The following EEPD1 variants were observed in gnomAD, a reference collection of about 807,000 sequenced individuals.
EEPD1 encodes the protein endonuclease/exonuclease/phosphatase family domain-containing protein 1.
A neutral mutation model predicts 46.3 loss-of-function variants in EEPD1; 17 were observed. That is an observed-to-expected ratio of 0.37 (90% CI 0.25 to 0.55). The LOEUF (loss-of-function observed/expected upper bound fraction) is 0.55. Ranked by LOEUF, EEPD1 falls within the 20% of genes least tolerant of loss-of-function variation. The pLI, the probability that EEPD1 is intolerant of heterozygous loss-of-function variation, is 0.83. For missense variants in EEPD1, 673 were observed against 745.6 expected, an observed-to-expected ratio of 0.90 and a Z score of 1.13; for synonymous variants, 313 against 315.6, an observed-to-expected ratio of 0.99 and a Z score of 0.09.
At chr7:36,210,438 A>G (rs1434893077) in intron 2 of EEPD1, among the ~76,000 whole-genome samples, 1 of 152,258 alleles carries the variant, frequency 6.6e-6, no homozygotes, top group Non-Finnish European at 1.5e-5. Flanking sequence ...ACAGCTGAAA[A>G]TAGCGAGAGG....
intron 6 of EEPD1, among the ~76,000 whole-genome samples, chr7:36,290,746 C>T (rs937381026): frequency 2.0e-5 from 3 of 152,050 alleles, no homozygotes; most frequent in Non-Finnish European, 4.4e-5. Flanking sequence ...GGCAGATGGT[C>T]CCTCAGTGGG....
intron 2 of EEPD1, among the ~76,000 whole-genome samples, chr7:36,177,957 ACCTGCCTCAG>A (rs1388326080): frequency 1.3e-5 from 2 of 152,046 alleles, no homozygotes; most frequent in African/African-American, 2.4e-5. Context: ...CAGGTGATCC[ACCTGCCTCAG>A]CCTCCCAAAG....
intron 2 of EEPD1, among the ~76,000 whole-genome samples, chr7:36,219,511 GAAGGAAGGAAAGAAAGGA>G (rs1192732914): frequency 2.0e-5 from 3 of 148,012 alleles, no homozygotes; most frequent in East Asian, 4.0e-4. Context: ...AAGAAGGAAG[GAAGGAAGGAAAGAAAGGA>G]AAGGAAGGAA....
chr7:36,196,668 C>T (rs1400030329), intron 2 of EEPD1, among the ~76,000 whole-genome samples: 1 of 152,238 alleles, frequency 6.6e-6, no homozygotes, highest in Non-Finnish European at 1.5e-5. Flanking sequence ...CCAGCCTCGG[C>T]CTCCCGAAGT....
At position 36,225,718 on chromosome 7, in the gene EEPD1, C is replaced by G. The variant is rs988378307; in HGVS notation, c.879-13267C>G. ...CTATTCCCAGGCCCCATAACACCAA[C>G]CTACGTGTGGAGCCTGAGAATCTGA... On this transcript the variant is annotated intron_variant, in intron 2 of 7. Coordinates refer to ENST00000242108, the MANE Select transcript of EEPD1 (RefSeq NM_030636.3). This position sits in a 1 kb window ranked among gnomAD's most constrained non-coding sequence, Gnocchi z 4.2. Among the ~76,000 whole-genome samples the G allele has an allele frequency of 6.6e-6, 1 of 152,116 alleles. No individual in the cohort carries two copies. The highest frequency in any genetic ancestry group is 6.6e-5 in the Admixed American group (1 of 15,266).
chr7:36,276,192 G>T (rs1331613514), intron 3 of EEPD1, among the ~76,000 whole-genome samples: 1 of 152,274 alleles, frequency 6.6e-6, no homozygotes, highest in Non-Finnish European at 1.5e-5. Context: ...ACAAGATACA[G>T]GTCATAAAGA....
At chr7:36,208,702 G>A (rs895641468) in intron 2 of EEPD1, among the ~76,000 whole-genome samples, 1 of 152,184 alleles carries the variant, frequency 6.6e-6, no homozygotes, top group African/African-American at 2.4e-5. Flanking sequence ...ATACTTGTGG[G>A]TCCTCTATGC....
At chr7:36,246,100 G>A (rs966134228) in intron 3 of EEPD1, among the ~76,000 whole-genome samples, 2 of 152,236 alleles carry the variant, frequency 1.3e-5, no homozygotes, top group Middle Eastern at 3.2e-3. Context: ...CAGCTGGACC[G>A]TGGTAGGACC....
intron 3 of EEPD1, among the ~76,000 whole-genome samples, chr7:36,269,648 T>G (rs979026525): frequency 2.0e-5 from 3 of 151,906 alleles, no homozygotes; most frequent in African/African-American, 7.3e-5. Flanking sequence ...GGAATCCCAG[T>G]ACTTCAGGAG....
Position 36,153,360 on chromosome 7 carries a change from G to A in EEPD1, c.-507G>A, listed in dbSNP as rs1444683375. 1 of 152,174 alleles carries A rather than the reference G, an allele frequency of 6.6e-6. No individual in the cohort carries two copies. Among genetic ancestry groups the A allele is most frequent in the Non-Finnish European group, 1.5e-5 (1 of 68,046 alleles). 9.4% of individuals were successfully genotyped at this position (152,174 alleles called of 1,614,324 possible). A position where few individuals can be genotyped will look rare whatever the true frequency, so the allele number is the denominator to read the frequency against. On this transcript the variant is annotated 5_prime_UTR_variant, in exon 1 of 8. Transcript: ENST00000242108. Reference sequence around the variant, plus strand: ...GAGTTGGGCGCAGGACTTTTTGCCGGGGTAAACGCAACTGCGGCGGCGCCG... The same window carrying A: ...GAGTTGGGCGCAGGACTTTTTGCCGAGGTAAACGCAACTGCGGCGGCGCCG...
intron 2 of EEPD1, among the ~76,000 whole-genome samples, chr7:36,174,165 C>T (rs547118013): frequency 2.0e-5 from 3 of 152,298 alleles, no homozygotes; most frequent in East Asian, 1.9e-4. Flanking sequence ...GGTCCTTACC[C>T]GACCAGTTCT....
At chr7:36,158,541 CTG>C (rs570915689) in intron 2 of EEPD1, among the ~76,000 whole-genome samples, 2 of 152,272 alleles carry the variant, frequency 1.3e-5, no homozygotes, top group South Asian at 2.1e-4. Context: ...CTATAAGAAA[CTG>C]TTTTGCAAGT....
At chr7:36,237,147 C>T (rs1214301477) in intron 2 of EEPD1, among the ~76,000 whole-genome samples, 1 of 152,206 alleles carries the variant, frequency 6.6e-6, no homozygotes, top group Non-Finnish European at 1.5e-5. Flanking sequence ...CAAACGTCTG[C>T]AGCTTCACTC....
chr7:36,285,660 C>G (rs1202582763), intron 5 of EEPD1, among the ~76,000 whole-genome samples: 1 of 152,188 alleles, frequency 6.6e-6, no homozygotes, highest in African/African-American at 2.4e-5. Context: ...GCAAGCAGGT[C>G]CGGTGCCTTG....
chr7:36,284,948 T>G, intron 5 of EEPD1, 128 bp downstream of exon 5: 2 of 1,271,272 alleles, frequency 1.6e-6, no homozygotes, highest in South Asian at 3.6e-5. Flanking sequence ...CCTCTCATGA[T>G]TGGAGATTTT....
At chr7:36,289,020 T>C (rs1317742083) in intron 6 of EEPD1, among the ~76,000 whole-genome samples, 1 of 152,224 alleles carries the variant, frequency 6.6e-6, no homozygotes, top group Non-Finnish European at 1.5e-5. Flanking sequence ...CTCGTTAAAC[T>C]GGCCCCTCAA....
intron 2 of EEPD1, among the ~76,000 whole-genome samples, chr7:36,235,180 T>C (rs1407807003): frequency 3.6e-4 from 24 of 66,252 alleles, no homozygotes; most frequent in African/African-American, 1.1e-3. Flanking sequence ...CAGCACAGGT[T>C]TCCCCCACAG....
chr7:36,186,023 T>C (rs1318027277), intron 2 of EEPD1, among the ~76,000 whole-genome samples: 1 of 152,234 alleles, frequency 6.6e-6, no homozygotes, highest in East Asian at 1.9e-4. Context: ...CCTCACTTTT[T>C]CCTTTCTGGA....
intron 2 of EEPD1, among the ~76,000 whole-genome samples, chr7:36,202,747 C>T (rs1785735330): frequency 6.6e-6 from 1 of 152,188 alleles, no homozygotes; most frequent in Non-Finnish European, 1.5e-5. Context: ...CAAGGTGAAA[C>T]CGCCACTAGC....
Sources: allele counts gnomAD v4.1 joint callset (sites outside exome capture counted in the v4.1 genomes callset), GRCh38; gene constraint gnomAD v4.1.1; non-coding constraint Gnocchi (gnomAD v3.1); transcripts MANE v1.5; gene names NCBI Gene and HGNC (gene_info 2026-07-23, HGNC 2026-07-21).